SLC38A9: variants seen among roughly 807,000 people sequenced by gnomAD.
SLC38A9 encodes the protein solute carrier family 38 member 9, also known as neutral amino acid transporter 9.
SLC38A9 carries 48 observed loss-of-function variants against 62.3 expected under a neutral mutation model. The ratio of observed to expected loss-of-function variants is 0.77; its 90% CI spans 0.61 to 0.98. The LOEUF is 0.98. Among genes scored for constraint, SLC38A9 ranks in the 50% least tolerant of loss-of-function variants. SLC38A9 has a pLI of 0.00. For missense variants in SLC38A9, 541 were observed against 679.8 expected (o/e 0.80, Z 2.27); for synonymous variants, 204 against 227.7 (o/e 0.90, Z 0.94).
chr5:55,667,154 T>C (rs1157595203), intron 7 of SLC38A9, among the ~76,000 whole-genome samples: 2 of 152,218 alleles, frequency 1.3e-5, no homozygotes, highest in Non-Finnish European at 2.9e-5. Context: ...GAGTGACTCT[T>C]AGCATTTCTA....
chr5:55,638,751 T>C (rs1388690031), intron 12 of SLC38A9, among the ~76,000 whole-genome samples: 1 of 151,946 alleles, frequency 6.6e-6, no homozygotes, highest in African/African-American at 2.4e-5. Context: ...AAACCACAGA[T>C]TCATATGAAG....
chr5:55,687,018 C>G (rs1753932454), intron 3 of SLC38A9, among the ~76,000 whole-genome samples: 2 of 147,590 alleles, frequency 1.4e-5, no homozygotes, highest in South Asian at 4.2e-4. Context: ...GGTTACTGTA[C>G]TCCTGTAATA....
At chr5:55,645,082 A>T (rs545857843) in intron 12 of SLC38A9, among the ~76,000 whole-genome samples, 7 of 152,170 alleles carry the variant, frequency 4.6e-5, no homozygotes, top group African/African-American at 1.4e-4. Context: ...ATTTTTTAAG[A>T]TGGGGTTTTG....
chr5:55,669,051 C>A, intron 7 of SLC38A9, 177 bp downstream of exon 7: 1 of 390,664 alleles, frequency 2.6e-6, no homozygotes, highest in Non-Finnish European at 4.6e-6. Flanking sequence ...ATTTCAAAAG[C>A]AGCCACTAAA....
chr5:55,647,170 A>G (rs1353644759), intron 11 of SLC38A9, among the ~76,000 whole-genome samples: 1 of 100,940 alleles, frequency 9.9e-6, no homozygotes, highest in Non-Finnish European at 2.3e-5. Flanking sequence ...AATTTATTTT[A>G]TTTTATTTTA....
intron 2 of SLC38A9, among the ~76,000 whole-genome samples, chr5:55,709,309 A>C (rs1355180859): frequency 2.0e-5 from 3 of 152,198 alleles, no homozygotes; most frequent in African/African-American, 7.2e-5. Flanking sequence ...AAAGAAAAAA[A>C]CCCTAGCAAA....
chr5:55,687,065 GTTTTTTTTTTT>G lies in SLC38A9; in HGVS notation c.113+10770_113+10780del, dbSNP rs56912932. Reference sequence around the variant, plus strand: ...TGGATAGCATGATGCCTCCAGCTTTGTTTTTTTTTTTTTTTTTTTTTTTTTGCTTAAGATTG... The same window carrying G: ...TGGATAGCATGATGCCTCCAGCTTTGTTTTTTTTTTTTTTGCTTAAGATTG... On this transcript the variant is annotated intron_variant, in intron 3 of 15. Transcript: ENST00000396865. Among the ~76,000 whole-genome samples, 268 of 125,634 alleles carry G rather than the reference GTTTTTTTTTTT, an allele frequency of 2.1e-3. 3 individuals carry two copies. The highest frequency in any genetic ancestry group is 0.018 in the Admixed American group (230 of 12,654). 82.4% of individuals were successfully genotyped at this position (125,634 alleles called of 152,430 possible).
chr5:55,704,015 T>C (rs1384062812), intron 2 of SLC38A9: 1 of 151,900 alleles, frequency 6.6e-6, no homozygotes, highest in Non-Finnish European at 1.5e-5. Context: ...GATATATATA[T>C]ATGCATGCCA....
Position 55,664,713 on chromosome 5 carries a change from T to C in SLC38A9, c.677A>G (p.Asn226Ser). 1 of 1,555,120 alleles carries C rather than the reference T, an allele frequency of 6.4e-7. No homozygotes were observed. Among genetic ancestry groups the C allele is most frequent in the Non-Finnish European group, 8.6e-7 (1 of 1,158,170 alleles). Residue 226 changes from asparagine (N) to serine (S), a missense_variant, in exon 8 of 16, where the codon AAT becomes AGT. Physicochemically the swap from Asn to Ser is conservative, Grantham distance 46. Coordinates refer to ENST00000396865, the MANE Select transcript of SLC38A9 (RefSeq NM_173514.4). The stretch of plus-strand genomic sequence containing the variant: ...CTTACTAAAAATAAACTTTCCAGTA[T>C]TAAAAAGAAAATTTGACATAAGCAC... ...YWVLMSNFLF[N>S]TGKFIFNFIH...
intron 7 of SLC38A9, among the ~76,000 whole-genome samples, chr5:55,668,517 ACCAC>A (rs367618941): frequency 1.0e-3 from 153 of 152,332 alleles, no homozygotes; most frequent in African/African-American, 3.6e-3. Context: ...ACAGACACAC[ACCAC>A]CAGGTCTGGC....
chr5:55,650,559 G>T (rs1172210673), intron 10 of SLC38A9, among the ~76,000 whole-genome samples: 1 of 152,110 alleles, frequency 6.6e-6, no homozygotes, highest in African/African-American at 2.4e-5. Flanking sequence ...AGGAAACCAC[G>T]AATGAGCGAT....
chr5:55,626,762 A>C, intron 15 of SLC38A9, 103 bp from the exon 16 acceptor site: 1 of 1,015,956 alleles, frequency 9.8e-7, no homozygotes, highest in Non-Finnish European at 1.4e-6. Flanking sequence ...CTGATAGCTC[A>C]ACAAAAATTA....
chr5:55,701,809 T>G (rs7728246), intron 2 of SLC38A9, among the ~76,000 whole-genome samples: 98,483 of 152,082 alleles, frequency 0.65, 32,126 homozygotes, highest in South Asian at 0.73. Flanking sequence ...TATAGATAAG[T>G]ATACACAGCA....
intron 14 of SLC38A9, among the ~76,000 whole-genome samples, chr5:55,629,749 A>G (rs1182464861): frequency 6.6e-6 from 1 of 152,232 alleles, no homozygotes; most frequent in Non-Finnish European, 1.5e-5. Flanking sequence ...AACTGGCAGT[A>G]TTTGTTGCCA....
chr5:55,627,037 G>A lies in SLC38A9; in HGVS notation c.1521-378C>T, dbSNP rs76097759. On this transcript the variant is annotated intron_variant, in intron 15 of 15. Coordinates refer to ENST00000396865, the MANE Select transcript of SLC38A9 (RefSeq NM_173514.4). ...GTTTTTGAGGGACCGTTAGCATCCC[G>A]GTTTAAGTATAAGAACAGATAAATG... is the stretch of plus-strand genomic sequence containing the variant. 6.3e-3 allele frequency among the ~76,000 whole-genome samples: 955 copies of A among 152,036 alleles called. 9 individuals carry two copies. Among genetic ancestry groups the A allele is most frequent in the African/African-American group, 0.022 (925 of 41,462 alleles).
At chr5:55,657,062 C>G (rs372264509) in intron 8 of SLC38A9, among the ~76,000 whole-genome samples, 3 of 152,052 alleles carry the variant, frequency 2.0e-5, no homozygotes, top group Non-Finnish European at 4.4e-5. Flanking sequence ...CAGGTTTCAC[C>G]GTGTTAGCCA....
At chr5:55,664,895 A>C in intron 7 of SLC38A9, 32 bp from the exon 8 acceptor site, 7 of 1,393,688 alleles carry the variant, frequency 5.0e-6, no homozygotes, top group Non-Finnish European at 6.8e-6. Context: ...ATAAAACTAA[A>C]TGTTGAACAT....
At chr5:55,697,778 T>C (rs1032564111) in intron 3 of SLC38A9, 68 bp downstream of exon 3, 2 of 762,626 alleles carry the variant, frequency 2.6e-6, no homozygotes, top group African/African-American at 1.8e-5. Context: ...ACATGTTTGG[T>C]TATAATTAGA....
chr5:55,648,078 A>G (rs980317265), intron 11 of SLC38A9, among the ~76,000 whole-genome samples: 13 of 152,090 alleles, frequency 8.5e-5, no homozygotes, highest in Non-Finnish European at 7.3e-5. Context: ...TGTCTCTACT[A>G]AAAATACAAA....
Sources: allele counts gnomAD v4.1 joint callset (sites outside exome capture counted in the v4.1 genomes callset), GRCh38; gene constraint gnomAD v4.1.1; transcripts MANE v1.5; gene names NCBI Gene and HGNC (gene_info 2026-07-23, HGNC 2026-07-21).